SLC35F3: variants seen among roughly 807,000 people sequenced by gnomAD.
SLC35F3 encodes solute carrier family 35 member F3.
A neutral mutation model predicts 49.9 loss-of-function variants in SLC35F3; 25 were observed. That is an observed-to-expected ratio of 0.50 (90% confidence interval 0.37 to 0.70). The LOEUF (loss-of-function observed/expected upper bound fraction) is 0.70, where lower values mean the gene tolerates loss of function less well. SLC35F3 is among the 30% of genes least tolerant of loss of function. SLC35F3 has a pLI of 0.00. For synonymous variants in SLC35F3, 275 were observed against 265.4 expected, an observed-to-expected ratio of 1.04 and a Z score of -0.35; for missense variants, 525 against 639.8, an observed-to-expected ratio of 0.82 and a Z score of 1.94.
In SLC35F3 at chr1:234,110,773, C is replaced by CAATAATTGAAT. The variant is rs1449697776; in HGVS notation, c.284-120643_284-120642insATAATTGAATA. Among the ~76,000 whole-genome samples the CAATAATTGAAT allele has an allele frequency of 2.6e-5, 4 of 152,194 alleles. No individual in the cohort carries two copies. The East Asian group carries it at 7.7e-4, about 29-fold the overall frequency. On this transcript the variant is annotated intron_variant, in intron 2 of 7. Transcript: ENST00000366618. ...GCCAGATAGATCTTATACCCTCAGA[C>CAATAATTGAAT]ACAATAATTCACTTCTAGCAACTGG...
chr1:234,042,191 T>C (rs1664231308), intron 2 of SLC35F3, among the ~76,000 whole-genome samples: 2 of 152,214 alleles, frequency 1.3e-5, no homozygotes, highest in African/African-American at 4.8e-5. Context: ...ATAAGCAGTA[T>C]AATAAATAGT....
intron 3 of SLC35F3, among the ~76,000 whole-genome samples, chr1:234,269,911 G>A (rs913950184): frequency 2.0e-5 from 3 of 152,194 alleles, no homozygotes; most frequent in Non-Finnish European, 2.9e-5. Flanking sequence ...GGAAGCTCCC[G>A]GAGGCCTCCC....
At chr1:234,100,338 T>C (rs980851173) in intron 2 of SLC35F3, among the ~76,000 whole-genome samples, 1 of 152,210 alleles carries the variant, frequency 6.6e-6, no homozygotes, top group East Asian at 1.9e-4. Flanking sequence ...GCTACAATAT[T>C]TCCAATAACA....
intron 2 of SLC35F3, among the ~76,000 whole-genome samples, chr1:234,057,185 T>C (rs1464677363): frequency 1.3e-5 from 2 of 152,244 alleles, no homozygotes; most frequent in Non-Finnish European, 2.9e-5. Flanking sequence ...TGTGTATTGA[T>C]TTCTATAAAA....
At chr1:234,191,123 A>C (rs1666724787) in intron 2 of SLC35F3, among the ~76,000 whole-genome samples, 1 of 152,142 alleles carries the variant, frequency 6.6e-6, no homozygotes, top group Non-Finnish European at 1.5e-5. Flanking sequence ...ATTATGCCTA[A>C]TCATAAGAAA....
intron 2 of SLC35F3, among the ~76,000 whole-genome samples, chr1:234,048,567 C>T (rs1179364838): frequency 6.6e-6 from 1 of 151,568 alleles, no homozygotes; most frequent in African/African-American, 2.4e-5. Flanking sequence ...GATCATGGGT[C>T]AAAACTGCCT....
At chr1:233,915,036 G>A (rs188259240) in intron 2 of SLC35F3, among the ~76,000 whole-genome samples, 1 of 152,318 alleles carries the variant, frequency 6.6e-6, no homozygotes, top group African/African-American at 2.4e-5. Flanking sequence ...GATTTGCAGT[G>A]TTAAAGGCTA....
intron 2 of SLC35F3, among the ~76,000 whole-genome samples, chr1:233,914,992 T>C (rs1240280700): frequency 6.6e-6 from 1 of 152,202 alleles, no homozygotes; most frequent in Non-Finnish European, 1.5e-5. Flanking sequence ...TGACAGCATT[T>C]GAGATTGGAG....
At chr1:233,935,891 C>G (rs1209508981) in intron 2 of SLC35F3, among the ~76,000 whole-genome samples, 1 of 152,188 alleles carries the variant, frequency 6.6e-6, no homozygotes, top group Non-Finnish European at 1.5e-5. Flanking sequence ...TCATCCTCTG[C>G]TAAAGGTAAA....
chr1:234,272,642 A>G (rs1299468028), intron 3 of SLC35F3: 1 of 152,288 alleles, frequency 6.6e-6, no homozygotes, highest in Non-Finnish European at 1.5e-5. Context: ...GACTTCCCCA[A>G]AGAAGCTTTA....
chr1:234,189,605 C>T (rs970326566), intron 2 of SLC35F3, among the ~76,000 whole-genome samples: 1 of 151,174 alleles, frequency 6.6e-6, no homozygotes, highest in African/African-American at 2.4e-5. Flanking sequence ...ATTGGCATTC[C>T]TGAGGAAGAA....
At chr1:234,193,851 A>G (rs1238925180) in intron 2 of SLC35F3, among the ~76,000 whole-genome samples, 1 of 152,212 alleles carries the variant, frequency 6.6e-6, no homozygotes, top group Non-Finnish European at 1.5e-5. Flanking sequence ...AAAATGCTCA[A>G]CATCACTAAT....
intron 2 of SLC35F3, among the ~76,000 whole-genome samples, chr1:234,111,083 ATAAGG>A (rs1665398701): frequency 6.6e-6 from 1 of 152,210 alleles, no homozygotes; most frequent in South Asian, 2.1e-4. Context: ...AAGATGAGAA[ATAAGG>A]TAAACATTTG....
intron 2 of SLC35F3, among the ~76,000 whole-genome samples, chr1:234,156,768 T>G (rs755873400): frequency 6.2e-4 from 95 of 152,166 alleles, no homozygotes; most frequent in Non-Finnish European, 1.2e-3. Flanking sequence ...ATCCATACTT[T>G]TTATTAAGTA....
intron 2 of SLC35F3, among the ~76,000 whole-genome samples, chr1:234,123,081 A>T (rs1443789840): frequency 1.3e-5 from 2 of 152,230 alleles, no homozygotes; most frequent in African/African-American, 2.4e-5. Flanking sequence ...TTGTACTCCC[A>T]CCAACAGTAT....
chr1:234,037,663 G>A (rs1415756220), intron 2 of SLC35F3, among the ~76,000 whole-genome samples: 7 of 152,348 alleles, frequency 4.6e-5, no homozygotes, highest in Non-Finnish European at 7.3e-5. Flanking sequence ...GCGAGAGCAT[G>A]CTGTTTTAGA....
At chr1:234,319,081 T>A in intron 6 of SLC35F3, 138 bp downstream of exon 6, 1 of 738,872 alleles carries the variant, frequency 1.4e-6, no homozygotes, top group Non-Finnish European at 2.2e-6. Flanking sequence ...ATCTTTCTGT[T>A]TCACAAAGTA....
At chr1:233,967,220 A>G (rs1662918972) in intron 2 of SLC35F3, among the ~76,000 whole-genome samples, 1 of 152,172 alleles carries the variant, frequency 6.6e-6, no homozygotes, top group African/African-American at 2.4e-5. Flanking sequence ...GTCCTATCAT[A>G]GACGCATTTC....
chr1:234,176,995 G>A (rs558488512), intron 2 of SLC35F3, among the ~76,000 whole-genome samples: 6 of 152,212 alleles, frequency 3.9e-5, no homozygotes, highest in South Asian at 4.2e-4. Flanking sequence ...TGGCTGTGTC[G>A]CCACCCAAGT....
Sources: allele counts gnomAD v4.1 joint callset (sites outside exome capture counted in the v4.1 genomes callset), GRCh38; gene constraint gnomAD v4.1.1; transcripts MANE v1.5; gene names NCBI Gene and HGNC (gene_info 2026-07-23, HGNC 2026-07-21).